The following MAPK10 variants were observed in gnomAD, a reference collection of about 807,000 sequenced individuals.
MAPK10 encodes the protein JNK3 alpha protein kinase.
In MAPK10, 25 loss-of-function variants were observed where a neutral mutation model predicts 59.3. The observed-to-expected ratio is 0.42, with a 90% CI of 0.31 to 0.59. The LOEUF (loss-of-function observed/expected upper bound fraction) is 0.59. MAPK10 is among the 20% of genes least tolerant of loss of function. The pLI is 0.15. For missense variants in MAPK10, 351 were observed against 568.9 expected (o/e 0.62, Z 3.90); for synonymous variants, 190 against 200.5 (o/e 0.95, Z 0.44).
intron 1 of MAPK10, among the ~76,000 whole-genome samples, chr4:86,411,237 C>G (rs1745134675): frequency 6.6e-6 from 1 of 152,182 alleles, no homozygotes; most frequent in Admixed American, 6.5e-5. Flanking sequence ...ATCCCGAATT[C>G]TAATTTGATT....
At chr4:86,172,835 G>A (rs1006814403) in intron 3 of MAPK10, among the ~76,000 whole-genome samples, 2 of 150,960 alleles carry the variant, frequency 1.3e-5, no homozygotes, top group Non-Finnish European at 3.0e-5. Context: ...GGCAAGCAGA[G>A]GGCCAAATCA....
chr4:86,173,665 A>G (rs750279372), intron 3 of MAPK10, among the ~76,000 whole-genome samples: 1 of 151,982 alleles, frequency 6.6e-6, no homozygotes, highest in Admixed American at 6.6e-5. Flanking sequence ...GTGCACAGCA[A>G]AAGAAACTAT....
chr4:86,042,664 C>G (rs1194812018), intron 11 of MAPK10, among the ~76,000 whole-genome samples: 2 of 151,682 alleles, frequency 1.3e-5, no homozygotes, highest in African/African-American at 4.8e-5. Context: ...TTGTAATTCT[C>G]ATGGTAACCA....
intron 2 of MAPK10, among the ~76,000 whole-genome samples, chr4:86,301,764 C>A (rs1205045533): frequency 3.9e-5 from 6 of 152,150 alleles, no homozygotes; most frequent in Non-Finnish European, 8.8e-5. Flanking sequence ...ACAATTATAA[C>A]AAGTCTGGTT....
rs1243462998 is a variant in MAPK10, at chr4:86,053,305, G to A, written c.1110+10961C>T. Among the ~76,000 whole-genome samples, 3 of 152,180 alleles carry A rather than the reference G, an allele frequency of 2.0e-5. No individual in the cohort carries two copies. In the East Asian group the frequency reaches 5.8e-4, roughly 29 times the overall value. On this transcript the variant is annotated intron_variant, in intron 11 of 13. Coordinates refer to ENST00000641462, the MANE Select transcript of MAPK10 (RefSeq NM_138982.4). Reference sequence around the variant, plus strand: ...ACTGAAAACACAATGATATGAGGATGGGTAGGAGTGCCTTAGAGCTCTCCT... The same window carrying A: ...ACTGAAAACACAATGATATGAGGATAGGTAGGAGTGCCTTAGAGCTCTCCT...
At chr4:86,472,538 T>A (rs1346103244) in intron 1 of MAPK10, among the ~76,000 whole-genome samples, 2 of 151,978 alleles carry the variant, frequency 1.3e-5, no homozygotes, top group Non-Finnish European at 2.9e-5. Flanking sequence ...TCCCACTACT[T>A]GGGAGGGTGG....
At chr4:86,497,840 C>A (rs1754992311) in intron 1 of MAPK10, among the ~76,000 whole-genome samples, 1 of 152,170 alleles carries the variant, frequency 6.6e-6, no homozygotes, top group South Asian at 2.1e-4. Context: ...CCTAGAGCAC[C>A]CCACTCTGGC....
intron 1 of MAPK10, among the ~76,000 whole-genome samples, chr4:86,450,828 A>G (rs993928825): frequency 1.3e-5 from 2 of 152,222 alleles, no homozygotes; most frequent in African/African-American, 4.8e-5. Context: ...ACAAAATAAA[A>G]TGCTGGCTAA....
chr4:86,404,757 C>T (rs1160311170), intron 1 of MAPK10, among the ~76,000 whole-genome samples: 1 of 152,158 alleles, frequency 6.6e-6, no homozygotes, highest in Non-Finnish European at 1.5e-5. Flanking sequence ...GGAACAGCAA[C>T]CATATGCCCC....
intron 2 of MAPK10, among the ~76,000 whole-genome samples, chr4:86,206,130 G>A (rs1025859729): frequency 6.6e-6 from 1 of 151,704 alleles, no homozygotes; most frequent in South Asian, 2.1e-4. Context: ...GTGCCATGCT[G>A]CTGTGCTGCA....
intron 1 of MAPK10, among the ~76,000 whole-genome samples, chr4:86,427,762 T>C (rs1747495159): frequency 6.6e-6 from 1 of 152,250 alleles, no homozygotes; most frequent in African/African-American, 2.4e-5. Context: ...TTTTATACTT[T>C]ATTTCTGTTC....
intron 1 of MAPK10, among the ~76,000 whole-genome samples, chr4:86,581,985 C>T (rs1762345872): frequency 7.2e-6 from 1 of 139,614 alleles, no homozygotes; most frequent in Non-Finnish European, 1.5e-5. Context: ...AAGTGGTTTG[C>T]ACAACTGATG....
At chr4:86,541,947 G>GCGCA (rs1758726221) in intron 1 of MAPK10, among the ~76,000 whole-genome samples, 1 of 140,376 alleles carries the variant, frequency 7.1e-6, no homozygotes, top group African/African-American at 2.7e-5. Flanking sequence ...GAATACACCG[G>GCGCA]CACACACACA....
chr4:86,066,201 G>A (rs2046703731), intron 10 of MAPK10, among the ~76,000 whole-genome samples: 1 of 151,600 alleles, frequency 6.6e-6, no homozygotes, highest in Admixed American at 6.6e-5. Flanking sequence ...CATTTTTCTG[G>A]GAAACTCAAT....
At chr4:86,168,415 C>T (rs2072695685) in intron 3 of MAPK10, among the ~76,000 whole-genome samples, 1 of 152,232 alleles carries the variant, frequency 6.6e-6, no homozygotes, top group Admixed American at 6.5e-5. Flanking sequence ...TTATATCCCG[C>T]ACCTGGCTTG....
At chr4:86,109,707 T>C (rs925834181) in intron 4 of MAPK10, among the ~76,000 whole-genome samples, 4 of 152,214 alleles carry the variant, frequency 2.6e-5, no homozygotes. Context: ...TGCATGCAAG[T>C]ATCTTTACAA....
chr4:86,159,449 C>T lies in MAPK10; in HGVS notation c.85G>A (p.Asp29Asn), dbSNP rs757250013. The T allele has an allele frequency of 1.2e-6, 2 of 1,609,434 alleles. No homozygotes were observed. Among genetic ancestry groups the T allele is most frequent in the East Asian group, 2.2e-5 (1 of 44,654 alleles). The change falls in exon 4 of 14, where the codon GAT (aspartate) becomes AAT (asparagine). Residue 29 changes from aspartate to asparagine, a missense_variant. Coordinates refer to ENST00000641462, the MANE Select transcript of MAPK10 (RefSeq NM_138982.4). ...TAATGTTTGGCAATATATGACACAT[C>T]CACTTGTTTATCGAATCCCTGTCAA... ...AFCQGFDKQVDVSYIAKHYNM... is the reference protein window; with the variant it reads ...AFCQGFDKQVNVSYIAKHYNM...
At chr4:86,174,677 G>A (rs906995677) in intron 3 of MAPK10, among the ~76,000 whole-genome samples, 2 of 152,044 alleles carry the variant, frequency 1.3e-5, no homozygotes, top group Admixed American at 6.6e-5. Flanking sequence ...GTTTTAGCTC[G>A]TGCATCACAG....
In MAPK10 at chr4:86,016,162, AACCTTGCTTCACC is replaced by A. The variant is rs1743231938; in HGVS notation, c.*1053_*1065del. The A allele has an allele frequency of 3.9e-5, 6 of 152,224 alleles. No individual in the cohort carries two copies. The South Asian group carries it at 1.2e-3, about 32-fold the overall frequency. The allele number at this position is 152,224 out of a possible 1,614,324, so 9.4% of individuals were successfully genotyped here. On this transcript the variant is annotated 3_prime_UTR_variant, in exon 14 of 14. Transcript: ENST00000641462. ...TCTTATCATCAAAAGCACACACAAT[AACCTTGCTTCACC>A]ACCTGCCACTTTCTCCAGTGGCCTC...
Sources: gnomAD v4.1 joint callset for allele counts (sites outside exome capture counted in the v4.1 genomes callset) on GRCh38, gnomAD v4.1.1 for gene constraint, MANE v1.5 for transcripts, NCBI Gene and HGNC (gene_info 2026-07-23, HGNC 2026-07-21) for gene names.